ZCCHC7: variants seen among roughly 807,000 people sequenced by gnomAD.
ZCCHC7 encodes zinc finger CCHC domain-containing protein 7.
In ZCCHC7, 35 loss-of-function variants were observed where a neutral mutation model predicts 52.0. That is an observed-to-expected ratio of 0.67 (90% CI 0.51 to 0.89). ZCCHC7 has a LOEUF of 0.89. ZCCHC7 is among the 40% of genes least tolerant of loss of function. The pLI, the probability that ZCCHC7 is intolerant of heterozygous loss-of-function variation, is 0.00. For synonymous variants in ZCCHC7, 217 were observed against 221.5 expected (o/e 0.98, Z 0.18); for missense variants, 574 against 649.1 (o/e 0.88, Z 1.26).
intron 2 of ZCCHC7, among the ~76,000 whole-genome samples, chr9:37,139,692 T>A (rs1843141409): frequency 6.6e-6 from 1 of 151,966 alleles, no homozygotes; most frequent in African/African-American, 2.4e-5. Flanking sequence ...ATAGTGAAAA[T>A]CATTTGTACT....
chr9:37,231,987 T>C (rs1825430504), intron 2 of ZCCHC7, among the ~76,000 whole-genome samples: 1 of 152,222 alleles, frequency 6.6e-6, no homozygotes, highest in Non-Finnish European at 1.5e-5. Flanking sequence ...TTGTTGCTGG[T>C]TGTCACATTT....
intron 2 of ZCCHC7, among the ~76,000 whole-genome samples, chr9:37,169,066 C>T (rs1398224565): frequency 6.6e-6 from 1 of 152,144 alleles, no homozygotes; most frequent in Non-Finnish European, 1.5e-5. Flanking sequence ...CAAATTGTTA[C>T]TGATATTGTG....
At chr9:37,215,449 A>T (rs962815024) in intron 2 of ZCCHC7, among the ~76,000 whole-genome samples, 2 of 152,178 alleles carry the variant, frequency 1.3e-5, no homozygotes, top group African/African-American at 4.8e-5. Flanking sequence ...AAGGAAAAAA[A>T]TTTTATCTTT....
At chr9:37,355,485 C>T (rs1432584803) in intron 8 of ZCCHC7, among the ~76,000 whole-genome samples, 2 of 152,262 alleles carry the variant, frequency 1.3e-5, no homozygotes, top group African/African-American at 4.8e-5. Context: ...TGGCCTTTTA[C>T]TCTTCTGGAT....
chr9:37,132,965 C>T (rs1249575264), intron 2 of ZCCHC7, among the ~76,000 whole-genome samples: 1 of 152,122 alleles, frequency 6.6e-6, no homozygotes, highest in Non-Finnish European at 1.5e-5. Context: ...GGTGAAACCC[C>T]GTCTCTTCTA....
chr9:37,316,164 A>T (rs1829811085), intron 5 of ZCCHC7, among the ~76,000 whole-genome samples: 1 of 151,872 alleles, frequency 6.6e-6, no homozygotes, highest in African/African-American at 2.4e-5. Context: ...GGTTCAAGTG[A>T]TTCTCCTGCC....
At chr9:37,302,945 G>A (rs368326571) in intron 3 of ZCCHC7, among the ~76,000 whole-genome samples, 8 of 152,260 alleles carry the variant, frequency 5.3e-5, no homozygotes, top group African/African-American at 1.9e-4. Context: ...AAGGAAGACT[G>A]GATTATCAGT....
intron 2 of ZCCHC7, among the ~76,000 whole-genome samples, chr9:37,266,556 A>C (rs1370772141): frequency 6.6e-6 from 1 of 152,182 alleles, no homozygotes; most frequent in Non-Finnish European, 1.5e-5. Flanking sequence ...GATGCTAAGC[A>C]TGTTGGCACT....
At chr9:37,152,958 C>G (rs1004020900) in intron 2 of ZCCHC7, among the ~76,000 whole-genome samples, 1 of 152,102 alleles carries the variant, frequency 6.6e-6, no homozygotes, top group Admixed American at 6.5e-5. Flanking sequence ...CTTGCCCATT[C>G]ATTCATTCTT....
chr9:37,301,268 AT>A (rs1829019759), intron 2 of ZCCHC7, among the ~76,000 whole-genome samples: 1 of 152,210 alleles, frequency 6.6e-6, no homozygotes, highest in Non-Finnish European at 1.5e-5. Flanking sequence ...AGCACTCAAT[AT>A]CAGTAACTCT....
chr9:37,200,361 TTTAA>T (rs1191284568), intron 2 of ZCCHC7, among the ~76,000 whole-genome samples: 5 of 152,244 alleles, frequency 3.3e-5, no homozygotes, highest in Non-Finnish European at 7.3e-5. Context: ...TTCCTGTTGC[TTTAA>T]TTAGAGCTGA....
At chr9:37,353,631 T>G (rs1821525011) in intron 7 of ZCCHC7, among the ~76,000 whole-genome samples, 2 of 152,292 alleles carry the variant, frequency 1.3e-5, no homozygotes, top group South Asian at 4.1e-4. Context: ...AGGTAAAATG[T>G]TATGGTTTTA....
chr9:37,354,158 A>G lies in ZCCHC7; in HGVS notation c.1084-552A>G, dbSNP rs2118684177. Among the ~76,000 whole-genome samples, 1 of 152,318 alleles carries G rather than the reference A, an allele frequency of 6.6e-6. No individual in the cohort carries two copies. Among genetic ancestry groups the G allele is most frequent in the Non-Finnish European group, 1.5e-5 (1 of 68,034 alleles). On this transcript the variant is annotated intron_variant, in intron 7 of 8. Coordinates refer to ENST00000336755, the MANE Select transcript of ZCCHC7 (RefSeq NM_032226.3). The surrounding 1 kb of genome is among the most constrained non-coding windows in gnomAD (Gnocchi z 4.0). The stretch of plus-strand genomic sequence containing the variant: ...ACCTAGGAACAATTTTAAACTAGGC[A>G]TAACCTACCACCAACCTACCCCCCA...
chr9:37,170,506 CTGTT>C (rs762825514), intron 2 of ZCCHC7, among the ~76,000 whole-genome samples: 24 of 152,264 alleles, frequency 1.6e-4, no homozygotes, highest in Middle Eastern at 3.4e-3. Flanking sequence ...CCAAAATTGT[CTGTT>C]TGTTTGGGAA....
intron 2 of ZCCHC7, among the ~76,000 whole-genome samples, chr9:37,226,873 C>A (rs899768558): frequency 1.3e-5 from 2 of 151,678 alleles, no homozygotes; most frequent in Non-Finnish European, 2.9e-5. Flanking sequence ...TACTAAAAAT[C>A]CAAAAATTAG....
At chr9:37,177,416 G>A (rs1822100284) in intron 2 of ZCCHC7, among the ~76,000 whole-genome samples, 2 of 152,170 alleles carry the variant, frequency 1.3e-5, no homozygotes, top group African/African-American at 2.4e-5. Context: ...AGTAATCACT[G>A]TAAGTAGTGA....
chr9:37,355,105 G>C (rs1265488007), intron 8 of ZCCHC7, among the ~76,000 whole-genome samples: 1 of 152,002 alleles, frequency 6.6e-6, no homozygotes, highest in East Asian at 1.9e-4. Flanking sequence ...GTTTTTAAAG[G>C]CTCCTTTGAG....
rs757848193 is a variant in ZCCHC7, at chr9:37,126,830, C to T, written c.498C>T (p.Thr166=). The T allele has an allele frequency of 6.2e-7, 1 of 1,614,128 alleles. No homozygotes were observed. Among genetic ancestry groups the T allele is most frequent in the Admixed American group, 1.7e-5 (1 of 60,018 alleles). ...GTTCAAGTGAAGAGGAAGAGAGCACCATTTCAGAAGGTGATAATGTGGAAA... is the reference window on the plus strand; with the variant it reads ...GTTCAAGTGAAGAGGAAGAGAGCACTATTTCAGAAGGTGATAATGTGGAAA... ...EVSSSEEEES[T]ISEGDNVESW... Residue 166 remains threonine (T), a synonymous_variant, in exon 2 of 9, where the codon ACC becomes ACT. Coordinates refer to ENST00000336755, the MANE Select transcript of ZCCHC7 (RefSeq NM_032226.3).
intron 2 of ZCCHC7, among the ~76,000 whole-genome samples, chr9:37,250,820 C>G (rs1261299638): frequency 6.6e-6 from 1 of 152,126 alleles, no homozygotes; most frequent in African/African-American, 2.4e-5. Flanking sequence ...CATTTATTAG[C>G]TGGCCTGATA....
Sources: allele counts gnomAD v4.1 joint callset (sites outside exome capture counted in the v4.1 genomes callset), GRCh38; gene constraint gnomAD v4.1.1; non-coding constraint Gnocchi (gnomAD v3.1); transcripts MANE v1.5; gene names NCBI Gene and HGNC (gene_info 2026-07-23, HGNC 2026-07-21).